The following RGL1 variants were observed in gnomAD, a reference collection of about 807,000 sequenced individuals.
RGL1 encodes ral guanine nucleotide dissociation stimulator like 1, also known as ral guanine nucleotide dissociation stimulator-like 1.
RGL1 carries 24 observed loss-of-function variants against 95.2 expected under a neutral mutation model. That is an observed-to-expected ratio of 0.25 (90% confidence interval 0.18 to 0.35). RGL1 has a LOEUF of 0.35. Ranked by LOEUF, RGL1 falls within the 10% of genes least tolerant of loss-of-function variation. The probability of loss-of-function intolerance (pLI) is 1.00; values close to 1 mark genes in which losing one functional copy is unlikely to be tolerated. For missense variants in RGL1, 715 were observed against 936.3 expected (o/e 0.76, Z 3.08); for synonymous variants, 329 against 344.9 (o/e 0.95, Z 0.51).
intron 2 of RGL1, among the ~76,000 whole-genome samples, chr1:183,791,401 A>C (rs915698718): frequency 6.6e-6 from 1 of 152,188 alleles, no homozygotes; most frequent in Admixed American, 6.5e-5. Flanking sequence ...TTTTGTTACA[A>C]TTATATTTCC....
rs570678930 is a variant in RGL1 at position 183,707,483 on chromosome 1, C to T, written c.-32-34643C>T. Reference sequence around the variant, plus strand: ...ACTCTAGCACAGGCGCTGAAGTAAGCGTGGGGCATGGGCCAAAGATGGCAC... The same window carrying T: ...ACTCTAGCACAGGCGCTGAAGTAAGTGTGGGGCATGGGCCAAAGATGGCAC... On this transcript the variant is annotated intron_variant, in intron 1 of 18. Coordinates refer to the RGL1 transcript ENST00000304685. 5.3e-5 allele frequency among the ~76,000 whole-genome samples: 8 copies of T among 152,128 alleles called. No homozygotes were observed. In the South Asian group the frequency reaches 6.2e-4, roughly 12 times the overall value.
At chr1:183,923,226 C>T (rs1329886150) in intron 17 of RGL1, among the ~76,000 whole-genome samples, 1 of 152,180 alleles carries the variant, frequency 6.6e-6, no homozygotes, top group Non-Finnish European at 1.5e-5. Flanking sequence ...AAGTGAGAAG[C>T]ATTCCACAAG....
chr1:183,834,045 C>T (rs1663458862), intron 2 of RGL1, among the ~76,000 whole-genome samples: 1 of 150,276 alleles, frequency 6.7e-6, no homozygotes, highest in South Asian at 2.1e-4. Context: ...GGTGGGACCT[C>T]ATAAGAGTCT....
chr1:183,727,604 G>A (rs985811185), intron 1 of RGL1, among the ~76,000 whole-genome samples: 1 of 152,124 alleles, frequency 6.6e-6, no homozygotes. Flanking sequence ...TGCCAGTGCA[G>A]TAAGACGAGG....
chr1:183,663,539 C>T (rs1651803333), intron 1 of RGL1, among the ~76,000 whole-genome samples: 1 of 151,988 alleles, frequency 6.6e-6, no homozygotes, highest in Admixed American at 6.6e-5. Context: ...GTTAGAATGG[C>T]AATCATTAAA....
At chr1:183,754,521 G>A (rs574614294) in intron 2 of RGL1, 53 of 152,268 alleles carry the variant, frequency 3.5e-4, no homozygotes, top group African/African-American at 1.2e-3. Flanking sequence ...TAGGGACCAA[G>A]GCTACTTTCT....
intron 1 of RGL1, among the ~76,000 whole-genome samples, chr1:183,660,373 C>G (rs1385218341): frequency 4.0e-5 from 6 of 151,282 alleles, no homozygotes; most frequent in African/African-American, 1.5e-4. Context: ...ATCTACCAAG[C>G]AAATGCAAAA....
intron 1 of RGL1, chr1:183,648,402 C>T: frequency 6.2e-7 from 1 of 1,614,190 alleles, no homozygotes; most frequent in Non-Finnish European, 8.5e-7. Flanking sequence ...AGCTTCATTA[C>T]AAGGGGAGTT....
At chr1:183,887,692 A>T (rs1040039506) in intron 7 of RGL1, among the ~76,000 whole-genome samples, 1 of 152,164 alleles carries the variant, frequency 6.6e-6, no homozygotes, top group Non-Finnish European at 1.5e-5. Flanking sequence ...CTTTGACTCC[A>T]AGGTCACTAA....
chr1:183,926,963 G>A lies in RGL1; in HGVS notation c.*671G>A, dbSNP rs1669647531. The A allele has an allele frequency of 6.6e-6, 1 of 152,656 alleles. No homozygotes were observed. The highest frequency in any genetic ancestry group is 2.1e-4 in the South Asian group (1 of 4,828). 9.5% of individuals were successfully genotyped at this position (152,656 alleles called of 1,614,324 possible). ...CTGCCACTTTCTGCTACCCTAGGGA[G>A]GCCAGGAGGAGCTTCGGAGGACCAT... On this transcript the variant is annotated 3_prime_UTR_variant, in exon 18 of 18. Transcript: ENST00000360851.
intron 1 of RGL1, among the ~76,000 whole-genome samples, chr1:183,805,971 C>CTTTTTTTTTTTTTTTTTTT (rs751229707): frequency 5.6e-4 from 42 of 74,630 alleles, no homozygotes; most frequent in East Asian, 9.5e-4. Flanking sequence ...CTTTTCTTTT[C>CTTTTTTTTTTTTTTTTTTT]TTTTTTTTTT....
At chr1:183,844,061 G>A (rs964878497) in intron 2 of RGL1, among the ~76,000 whole-genome samples, 9 of 152,102 alleles carry the variant, frequency 5.9e-5, no homozygotes, top group Admixed American at 6.5e-5. Flanking sequence ...CCTGACCTCA[G>A]GTGATCCACC....
chr1:183,794,829 A>C (rs564289748), intron 2 of RGL1, among the ~76,000 whole-genome samples: 1 of 152,336 alleles, frequency 6.6e-6, no homozygotes, highest in Admixed American at 6.5e-5. Context: ...AAGAGCGAGT[A>C]CCACCTGACT....
chr1:183,766,518 A>G (rs569475486), intron 2 of RGL1, among the ~76,000 whole-genome samples: 1 of 152,340 alleles, frequency 6.6e-6, no homozygotes, highest in Admixed American at 6.5e-5. Flanking sequence ...TTTCTAAAGG[A>G]AAAGATCTGA....
intron 1 of RGL1, among the ~76,000 whole-genome samples, chr1:183,660,338 G>A (rs1175965433): frequency 1.3e-5 from 2 of 151,924 alleles, no homozygotes; most frequent in African/African-American, 4.8e-5. Flanking sequence ...ACACACAGAG[G>A]CTCAAAATAA....
chr1:183,645,348 A>G (rs571374369), intron 1 of RGL1, among the ~76,000 whole-genome samples: 1 of 152,346 alleles, frequency 6.6e-6, no homozygotes, highest in East Asian at 1.9e-4. Flanking sequence ...AGTTGAGCAT[A>G]TAAAGCTAAG....
At chr1:183,805,098 G>T (rs533265327), upstream of RGL1, 6 of 518,262 alleles carry the variant, frequency 1.2e-5, no homozygotes, top group South Asian at 4.5e-4. Flanking sequence ...TCGCTTGCTC[G>T]CTCGCTCGCC....
intron 1 of RGL1, among the ~76,000 whole-genome samples, chr1:183,705,583 G>A (rs544910486): frequency 6.6e-5 from 10 of 152,192 alleles, no homozygotes; most frequent in East Asian, 3.9e-4. Context: ...GGTGGGTGTC[G>A]GGGTTTTCCC....
At chr1:183,903,290 A>G (rs1668131165) in intron 12 of RGL1, among the ~76,000 whole-genome samples, 1 of 152,162 alleles carries the variant, frequency 6.6e-6, no homozygotes, top group African/African-American at 2.4e-5. Context: ...CGGTGTAGGT[A>G]GTTATTCTTT....
Sources: gnomAD v4.1 joint callset for allele counts (sites outside exome capture counted in the v4.1 genomes callset) on GRCh38, gnomAD v4.1.1 for gene constraint, MANE v1.5 for transcripts, NCBI Gene and HGNC (gene_info 2026-07-23, HGNC 2026-07-21) for gene names.